Variants in F2R observed in about 807,000 individuals in gnomAD.
The protein encoded by F2R is proteinase-activated receptor 1.
A neutral mutation model predicts 18.3 loss-of-function variants in F2R; 12 were observed. The ratio of observed to expected loss-of-function variants is 0.66; its 90% CI spans 0.42 to 1.06. The LOEUF (loss-of-function observed/expected upper bound fraction) is 1.06. Among genes scored for constraint, F2R ranks in the 50% least tolerant of loss-of-function variants. The pLI, the probability that F2R is intolerant of heterozygous loss-of-function variation, is 0.00. For missense variants in F2R, 438 were observed against 530.8 expected (o/e 0.83, Z 1.72); for synonymous variants, 210 against 219.9 (o/e 0.95, Z 0.40).
At chr5:76,729,436 T>C (rs1748630083) in intron 1 of F2R, among the ~76,000 whole-genome samples, 1 of 152,248 alleles carries the variant, frequency 6.6e-6, no homozygotes, top group South Asian at 2.1e-4. Flanking sequence ...TTTGCAAATA[T>C]TTGCTTTCAT....
At chr5:76,728,685 CTTTTTTTTT>C (rs763418437) in intron 1 of F2R, among the ~76,000 whole-genome samples, 1 of 90,510 alleles carries the variant, frequency 1.1e-5, no homozygotes, top group African/African-American at 4.3e-5. Context: ...ACATCCTGGT[CTTTTTTTTT>C]TTTTTTTTTT....
At position 76,733,759 on chromosome 5, in the gene F2R, T is replaced by C. The variant is rs1431066157; in HGVS notation, c.*256T>C. The C allele has an allele frequency of 1.0e-5, 5 of 479,700 alleles. No homozygotes were observed. Among genetic ancestry groups the C allele is most frequent in the East Asian group, 3.8e-5 (1 of 26,220 alleles). 29.7% of individuals were successfully genotyped at this position (479,700 alleles called of 1,614,324 possible). A position where few individuals can be genotyped will look rare whatever the true frequency, so the allele number is the denominator to read the frequency against. ...AATAAATGAATGTCACTTCTGGATA[T>C]AGCTAGGTGACATATACATACTTAC... On this transcript the variant is annotated 3_prime_UTR_variant, in exon 2 of 2. Coordinates refer to ENST00000319211, the MANE Select transcript of F2R (RefSeq NM_001992.5).
At chr5:76,720,391 G>A (rs1053605598) in intron 1 of F2R, among the ~76,000 whole-genome samples, 1 of 152,132 alleles carries the variant, frequency 6.6e-6, no homozygotes, top group African/African-American at 2.4e-5. Flanking sequence ...CCATGGTCAC[G>A]TGACTACACT....
intron 1 of F2R, among the ~76,000 whole-genome samples, chr5:76,724,998 T>G (rs1185699990): frequency 6.6e-6 from 1 of 152,248 alleles, no homozygotes; most frequent in African/African-American, 2.4e-5. Context: ...CTTTAGCCTG[T>G]AGTGTTGTTT....
chr5:76,725,801 G>A (rs920612702), intron 1 of F2R, among the ~76,000 whole-genome samples: 1 of 152,074 alleles, frequency 6.6e-6, no homozygotes, highest in South Asian at 2.1e-4. Context: ...TGTTCCTGTC[G>A]GAAGTACCGT....
At position 76,735,548 on chromosome 5, in the gene F2R, A is replaced by G. The variant is rs1200835439; in HGVS notation, c.*2045A>G. On this transcript the variant is annotated 3_prime_UTR_variant, in exon 2 of 2. Coordinates refer to ENST00000319211, the MANE Select transcript of F2R (RefSeq NM_001992.5). Reference sequence around the variant, plus strand: ...CCAAATACCATAGAATAACTTACATAAAAGTAATATAACTGTATTGTAAGT... The same window carrying G: ...CCAAATACCATAGAATAACTTACATGAAAGTAATATAACTGTATTGTAAGT... 6.6e-6 allele frequency: 1 copy of G among 152,208 alleles called. No individual in the cohort carries two copies. The highest frequency in any genetic ancestry group is 2.4e-5 in the African/African-American group (1 of 41,456). 9.4% of individuals were successfully genotyped at this position (152,208 alleles called of 1,614,324 possible). A position where few individuals can be genotyped will look rare whatever the true frequency, so the allele number is the denominator to read the frequency against.
chr5:76,733,317 C>T lies in F2R; in HGVS notation c.1092C>T (p.Cys364=), dbSNP rs760330511. The change falls in exon 2 of 2, where the codon TGC becomes TGT. Residue 364 remains cysteine (C), a synonymous_variant. Coordinates refer to ENST00000319211, the MANE Select transcript of F2R (RefSeq NM_001992.5). The part of the protein sequence containing the change: ...LLCVCVSSIS[C]CIDPLIYYYA... ...GTGTCTGTGTCAGCAGCATAAGCTG[C>T]TGCATCGACCCCCTAATTTACTATT... The T allele has an allele frequency of 1.9e-6, 3 of 1,614,212 alleles. No homozygotes were observed. Among genetic ancestry groups the T allele is most frequent in the Non-Finnish European group, 2.5e-6 (3 of 1,180,050 alleles).
chr5:76,727,831 T>C (rs1374627321), intron 1 of F2R, among the ~76,000 whole-genome samples: 1 of 150,978 alleles, frequency 6.6e-6, no homozygotes, highest in Non-Finnish European at 1.5e-5. Flanking sequence ...TTCCAACATC[T>C]GGGTCAACTT....
At chr5:76,730,812 G>A (rs1449788196) in intron 1 of F2R, among the ~76,000 whole-genome samples, 1 of 152,182 alleles carries the variant, frequency 6.6e-6, no homozygotes. Flanking sequence ...AAGGCCCCCT[G>A]CTCAGATTCG....
intron 1 of F2R, among the ~76,000 whole-genome samples, chr5:76,722,649 T>A (rs1265542306): frequency 6.6e-6 from 1 of 152,162 alleles, no homozygotes; most frequent in East Asian, 1.9e-4. Context: ...TGAACCCCAG[T>A]CAGTCAAGAA....
Position 76,733,659 on chromosome 5 carries a change from T to C in F2R, c.*156T>C. On this transcript the variant is annotated 3_prime_UTR_variant, in exon 2 of 2. Coordinates refer to ENST00000319211, the MANE Select transcript of F2R (RefSeq NM_001992.5). ...TTTTATGGGAGCTGTCAAGCATGTA[T>C]TTTTGTCAATTACCAGAAAGATAAC... The C allele has an allele frequency of 3.2e-6, 2 of 615,698 alleles. No homozygotes were observed. Among genetic ancestry groups the C allele is most frequent in the Non-Finnish European group, 5.6e-6 (2 of 358,580 alleles). 38.1% of individuals were successfully genotyped at this position (615,698 alleles called of 1,614,324 possible).
Position 76,716,290 on chromosome 5 carries a change from C to T in F2R, c.-18C>T. The T allele has an allele frequency of 1.5e-6, 2 of 1,360,190 alleles. No individual in the cohort carries two copies. Among genetic ancestry groups the T allele is most frequent in the Non-Finnish European group, 1.9e-6 (2 of 1,062,424 alleles). 84.3% of individuals were successfully genotyped at this position (1,360,190 alleles called of 1,614,324 possible). On this transcript the variant is annotated 5_prime_UTR_variant, in exon 1 of 2. Transcript: ENST00000319211. The stretch of plus-strand genomic sequence containing the variant: ...GCGGGGCAGCCTCCCGGAGCAGCGC[C>T]GCGCAGAGCCCGGGACAATGGGGCC...
At chr5:76,732,192 T>A (rs918001304) in intron 1 of F2R, 122 bp from the exon 2 acceptor site, 5 of 709,134 alleles carry the variant, frequency 7.1e-6, no homozygotes, top group African/African-American at 1.8e-5. Context: ...ATCTGCTCTT[T>A]ACCACCCACT....
chr5:76,716,469 CT>C, intron 1 of F2R, 74 bp downstream of exon 1: 1 of 1,208,034 alleles, frequency 8.3e-7, no homozygotes, highest in Non-Finnish European at 1.1e-6. Context: ...ACTGTTGCGC[CT>C]TCTCCTCACC....
At chr5:76,726,480 G>A (rs1242354963) in intron 1 of F2R, among the ~76,000 whole-genome samples, 2 of 151,780 alleles carry the variant, frequency 1.3e-5, no homozygotes, top group African/African-American at 2.4e-5. Context: ...GCAGTGAGCC[G>A]AGATAGAGAT....
intron 1 of F2R, among the ~76,000 whole-genome samples, chr5:76,725,692 C>G (rs1368505513): frequency 2.0e-5 from 3 of 151,898 alleles, no homozygotes; most frequent in Admixed American, 6.6e-5. Context: ...CCCATAGTAT[C>G]AAGAAAAGGT....
intron 1 of F2R, among the ~76,000 whole-genome samples, chr5:76,722,696 T>C (rs558049654): frequency 2.6e-5 from 4 of 152,310 alleles, no homozygotes; most frequent in Admixed American, 6.5e-5. Flanking sequence ...CTCATGCCTG[T>C]AATCCCAGCA....
chr5:76,720,408 TG>T (rs748328323), intron 1 of F2R, among the ~76,000 whole-genome samples: 7 of 152,204 alleles, frequency 4.6e-5, no homozygotes, highest in Non-Finnish European at 8.8e-5. Flanking sequence ...CACTCCAGCC[TG>T]GGCAACAGAG....
intron 1 of F2R, among the ~76,000 whole-genome samples, chr5:76,727,032 G>A (rs1243583490): frequency 6.6e-6 from 1 of 152,140 alleles, no homozygotes; most frequent in Admixed American, 6.5e-5. Flanking sequence ...GAACCCTAGA[G>A]CTATATAATA....
Sources: allele counts gnomAD v4.1 joint callset (sites outside exome capture counted in the v4.1 genomes callset), GRCh38; gene constraint gnomAD v4.1.1; transcripts MANE v1.5; gene names NCBI Gene and HGNC (gene_info 2026-07-23, HGNC 2026-07-21).